Variants in FOXN4 observed in about 807,000 individuals in gnomAD.
FOXN4 encodes forkhead box N4.
A neutral mutation model predicts 45.0 loss-of-function variants in FOXN4; 12 were observed. That is an observed-to-expected ratio of 0.27 (90% CI 0.17 to 0.43). The LOEUF is 0.43. Ranked by LOEUF, FOXN4 falls within the 20% of genes least tolerant of loss-of-function variation. FOXN4 has a pLI of 1.00. For synonymous variants in FOXN4, 297 were observed against 295.0 expected (o/e 1.01, Z -0.07); for missense variants, 560 against 694.9 (o/e 0.81, Z 2.18).
intron 8 of FOXN4, among the ~76,000 whole-genome samples, chr12:109,282,977 G>T (rs538431552): frequency 2.0e-5 from 3 of 151,988 alleles, no homozygotes; most frequent in East Asian, 1.9e-4. Context: ...CCTCAACTGA[G>T]GGACCATTGG....
Position 109,281,558 on chromosome 12 carries a change from G to A in FOXN4, c.1143C>T (p.Thr381=), listed in dbSNP as rs201700235. 1.9e-4 allele frequency: 303 copies of A among 1,609,336 alleles called. 3 individuals carry two copies. In the East Asian group the frequency reaches 6.6e-3, roughly 35 times the overall value. ...LAPDSPAPAQ[T]PPLHALPDLS... is the part of the protein sequence containing the mutation. ...GGTCCGGCAGGGCGTGCAGTGGCGGGGTCTGGGCTGGTGCTGGAGAGTCTG... is the reference window on the plus strand; with the variant it reads ...GGTCCGGCAGGGCGTGCAGTGGCGGAGTCTGGGCTGGTGCTGGAGAGTCTG... Residue 381 remains threonine (T), a synonymous_variant, in exon 9 of 10, where the codon ACC becomes ACT. Transcript: ENST00000299162.
chr12:109,291,355 C>T lies in FOXN4; in HGVS notation c.87-1069G>A, dbSNP rs2047766675. Among the ~76,000 whole-genome samples, 1 of 152,126 alleles carries T rather than the reference C, an allele frequency of 6.6e-6. No individual in the cohort carries two copies. The highest frequency in any genetic ancestry group is 3.2e-3 in the Middle Eastern group (1 of 316). ...ACGCCCGACTCCACCACATCTGCCACCCCTGTAGCCAGGGGCTTTCTGTGT... is the reference window on the plus strand; with the variant it reads ...ACGCCCGACTCCACCACATCTGCCATCCCTGTAGCCAGGGGCTTTCTGTGT... On this transcript the variant is annotated intron_variant, in intron 2 of 9. Coordinates refer to ENST00000299162, the MANE Select transcript of FOXN4 (RefSeq NM_213596.3). The surrounding 1 kb of genome is among the most constrained non-coding windows in gnomAD (Gnocchi z 6.6).
intron 7 of FOXN4, 97 bp from the exon 8 acceptor site, chr12:109,285,608 T>C: frequency 7.8e-7 from 1 of 1,281,856 alleles, no homozygotes; most frequent in Non-Finnish European, 1.1e-6. Context: ...GACACCGCGG[T>C]GGCAGGAGTA....
At chr12:109,304,187 T>G (rs1255721177) in intron 2 of FOXN4, among the ~76,000 whole-genome samples, 1 of 78,596 alleles carries the variant, frequency 1.3e-5, no homozygotes, top group African/African-American at 5.0e-5. Context: ...CCAGACTCCG[T>G]CAAAAAAAAA....
Position 109,285,298 on chromosome 12 carries a change from C to T in FOXN4, c.901+6G>A, listed in dbSNP as rs773386728. 1 of 1,600,744 alleles carries T rather than the reference C, an allele frequency of 6.2e-7. No homozygotes were observed. The highest frequency in any genetic ancestry group is 8.5e-7 in the Non-Finnish European group (1 of 1,174,056). On this transcript the variant is annotated splice_donor_region_variant and intron_variant, in intron 8 of 9. Transcript: ENST00000299162. ...GTGCGCGCACTGCGGGCTGTCCGGC[C>T]CTCACCAGGGTTGGCCATACTCCGG...
chr12:109,291,472 C>T lies in FOXN4; in HGVS notation c.87-1186G>A, dbSNP rs1246555303. On this transcript the variant is annotated intron_variant, in intron 2 of 9. Coordinates refer to ENST00000299162, the MANE Select transcript of FOXN4 (RefSeq NM_213596.3). This position sits in a 1 kb window ranked among gnomAD's most constrained non-coding sequence, Gnocchi z 6.6. ...GGGCAGAGAGAGGCGGGACACCGAC[C>T]CATCCTGCCCTGGTTTTCTGCGCCT... Among the ~76,000 whole-genome samples, 4 of 152,006 alleles carry T rather than the reference C, an allele frequency of 2.6e-5. No homozygotes were observed. In the East Asian group the frequency reaches 5.8e-4, roughly 22 times the overall value.
chr12:109,285,244 C>CGTGT (rs56261774), intron 8 of FOXN4, 60 bp downstream of exon 8: 27,035 of 1,345,322 alleles, frequency 0.02, 52 homozygotes, highest in African/African-American at 0.032. Flanking sequence ...CTTCCTCTTC[C>CGTGT]GTGTGTGTGT....
chr12:109,307,006 T>C (rs2047927300), intron 2 of FOXN4, among the ~76,000 whole-genome samples: 1 of 152,056 alleles, frequency 6.6e-6, no homozygotes, highest in Non-Finnish European at 1.5e-5. Context: ...CCTCCCGAGA[T>C]GAGGTGAGTG....
intron 2 of FOXN4, among the ~76,000 whole-genome samples, chr12:109,294,186 A>T (rs1237069643): frequency 6.6e-6 from 1 of 152,086 alleles, no homozygotes; most frequent in Non-Finnish European, 1.5e-5. Flanking sequence ...CCCAGCTCAG[A>T]CCCTGAAGCC....
rs982751846 is a variant in FOXN4, at chr12:109,279,290, G to A, written c.*381C>T. ...GGGTGTTTCCTTAATGCACCAAGGT[G>A]TCCCAAAATGGGGTGCAGGTCACTG... is the stretch of plus-strand genomic sequence containing the variant. On this transcript the variant is annotated 3_prime_UTR_variant, in exon 10 of 10. Coordinates refer to ENST00000299162, the MANE Select transcript of FOXN4 (RefSeq NM_213596.3). 1.3e-4 allele frequency: 37 copies of A among 284,664 alleles called. No individual in the cohort carries two copies. The highest frequency in any genetic ancestry group is 7.7e-4 in the African/African-American group (36 of 46,832). 17.6% of individuals were successfully genotyped at this position (284,664 alleles called of 1,614,324 possible). A position where few individuals can be genotyped will look rare whatever the true frequency, so the allele number is the denominator to read the frequency against.
At chr12:109,302,897 C>T (rs191945827) in intron 2 of FOXN4, among the ~76,000 whole-genome samples, 260 of 152,266 alleles carry the variant, frequency 1.7e-3, no homozygotes, top group Middle Eastern at 3.4e-3. Flanking sequence ...CCAACCATTA[C>T]ACAAAAAGGG....
At chr12:109,303,325 T>G (rs1014031328) in intron 2 of FOXN4, among the ~76,000 whole-genome samples, 2 of 152,240 alleles carry the variant, frequency 1.3e-5, no homozygotes, top group African/African-American at 4.8e-5. Flanking sequence ...TCACAACTGA[T>G]GGGTGAAGCC....
chr12:109,289,739 T>C (rs188062434), intron 3 of FOXN4, among the ~76,000 whole-genome samples: 19 of 152,334 alleles, frequency 1.2e-4, no homozygotes, highest in Non-Finnish European at 2.6e-4. Flanking sequence ...ATGGCAAATA[T>C]TTCAGGCTTT....
chr12:109,289,022 C>G (rs115220283), intron 3 of FOXN4, among the ~76,000 whole-genome samples: 2 of 152,230 alleles, frequency 1.3e-5, no homozygotes, highest in African/African-American at 4.8e-5. Context: ...AAGTACCCAG[C>G]AGCCACAGTG....
Position 109,291,769 on chromosome 12 carries a change from G to T in FOXN4, c.87-1483C>A, listed in dbSNP as rs537111605. ...TCATAGGGAAACAGGGCCTGGAAAC[G>T]ATTTGAAAACGCGGCCGGCCGGCCG... is the stretch of plus-strand genomic sequence containing the variant. On this transcript the variant is annotated intron_variant, in intron 2 of 9. Transcript: ENST00000299162. The surrounding 1 kb of genome is among the most constrained non-coding windows in gnomAD (Gnocchi z 6.6). Among the ~76,000 whole-genome samples, 5 of 152,200 alleles carry T rather than the reference G, an allele frequency of 3.3e-5. No individual in the cohort carries two copies. Among genetic ancestry groups the T allele is most frequent in the Non-Finnish European group, 4.4e-5 (3 of 67,994 alleles).
intron 2 of FOXN4, among the ~76,000 whole-genome samples, chr12:109,293,096 C>A (rs2047784069): frequency 6.6e-6 from 1 of 152,200 alleles, no homozygotes; most frequent in South Asian, 2.1e-4. Flanking sequence ...TCTGCTCCCT[C>A]CCCTGCACCC....
At chr12:109,286,472 C>A (rs140891050) in intron 7 of FOXN4, among the ~76,000 whole-genome samples, 176 bp downstream of exon 7, 357 of 152,284 alleles carry the variant, frequency 2.3e-3, no homozygotes, top group African/African-American at 7.9e-3. Context: ...AGTTCAAATG[C>A]CCCCCTCTCT....
rs2047635890 is a variant in FOXN4, at chr12:109,279,882, A to C, written c.1343T>G (p.Leu448Arg). The C allele has an allele frequency of 1.2e-6, 2 of 1,614,006 alleles. No individual in the cohort carries two copies. The highest frequency in any genetic ancestry group is 1.1e-5 in the South Asian group (1 of 91,078). The change falls in exon 10 of 10, where the codon CTG becomes CGG. Residue 448 changes from leucine (L) to arginine (R), a missense_variant. Coordinates refer to ENST00000299162, the MANE Select transcript of FOXN4 (RefSeq NM_213596.3). ...AAGCGGGGAGTCTGCAAAGGCGCCC[A>C]GTGTGTCCAAGCTGAATCCCTCATC... is the stretch of plus-strand genomic sequence containing the variant. ...MKDEGFSLDT[L>R]GAFADSPLGC...
At chr12:109,304,594 G>A (rs766656457) in intron 2 of FOXN4, among the ~76,000 whole-genome samples, 3 of 152,134 alleles carry the variant, frequency 2.0e-5, no homozygotes, top group East Asian at 1.9e-4. Flanking sequence ...TCTAGGCCCC[G>A]CCACTGACTC....
Sources: allele counts gnomAD v4.1 joint callset (sites outside exome capture counted in the v4.1 genomes callset), GRCh38; gene constraint gnomAD v4.1.1; non-coding constraint Gnocchi (gnomAD v3.1); transcripts MANE v1.5; gene names NCBI Gene and HGNC (gene_info 2026-07-23, HGNC 2026-07-21).